Variants in PIP4K2A observed in about 807,000 individuals in gnomAD.
The protein encoded by PIP4K2A is phosphatidylinositol 5-phosphate 4-kinase type-2 alpha.
Under a neutral mutation model 42.9 loss-of-function variants are expected in PIP4K2A, and 14 were observed. The observed-to-expected ratio is 0.33, with a 90% confidence interval of 0.22 to 0.51. PIP4K2A has a LOEUF of 0.51. Ranked by LOEUF, PIP4K2A falls within the 20% of genes least tolerant of loss-of-function variation. The pLI is 0.97. For missense variants in PIP4K2A, 434 were observed against 519.8 expected (o/e 0.83, Z 1.61); for synonymous variants, 192 against 192.2 (o/e 1.00, Z 0.01).
intron 5 of PIP4K2A, among the ~76,000 whole-genome samples, chr10:22,569,991 A>C (rs1836945936): frequency 6.6e-6 from 1 of 152,182 alleles, no homozygotes; most frequent in Non-Finnish European, 1.5e-5. Context: ...AATTAAAACT[A>C]GAATATCCAA....
intron 1 of PIP4K2A, among the ~76,000 whole-genome samples, chr10:22,668,642 T>C (rs558517398): frequency 4.5e-4 from 68 of 152,330 alleles, no homozygotes; most frequent in Admixed American, 7.2e-4. Context: ...GCTGGTTTTC[T>C]GAACTAGTCT....
chr10:22,541,388 T>G (rs114692472), intron 8 of PIP4K2A, among the ~76,000 whole-genome samples: 214 of 152,342 alleles, frequency 1.4e-3, no homozygotes, highest in African/African-American at 4.9e-3. Context: ...TGCTTTTGAC[T>G]TAGATAAAAA....
chr10:22,599,579 T>A (rs1202604347), intron 3 of PIP4K2A, among the ~76,000 whole-genome samples: 1 of 152,216 alleles, frequency 6.6e-6, no homozygotes, highest in Non-Finnish European at 1.5e-5. Flanking sequence ...CCAATAAATG[T>A]TGCTTCTAAG....
At chr10:22,697,950 G>A (rs1275875194) in intron 1 of PIP4K2A, among the ~76,000 whole-genome samples, 4 of 152,186 alleles carry the variant, frequency 2.6e-5, no homozygotes, top group Non-Finnish European at 5.9e-5. Context: ...GCCATTAAAT[G>A]CTATTGGATT....
chr10:22,685,159 TAAG>T (rs2130887618), intron 1 of PIP4K2A, among the ~76,000 whole-genome samples: 1 of 152,250 alleles, frequency 6.6e-6, no homozygotes, highest in Admixed American at 6.5e-5. Flanking sequence ...AGTTATGAGA[TAAG>T]AAGTACAACT....
rs182182493 is a variant in PIP4K2A at position 22,627,479 on chromosome 10, C to A, written c.145-17762G>T. 2.4e-3 allele frequency among the ~76,000 whole-genome samples: 362 copies of A among 151,522 alleles called. 5 individuals are homozygous for A. The highest frequency in any genetic ancestry group is 6.8e-3 in the African/African-American group (281 of 41,308). ...TATTAGTTTCTTTAATATTTTCTCA[C>A]AAATATCTCTTTTACATAAACTCTA... On this transcript the variant is annotated intron_variant, in intron 1 of 9. Transcript: ENST00000376573.
chr10:22,570,950 G>C (rs1019299313), intron 5 of PIP4K2A, among the ~76,000 whole-genome samples: 8 of 152,092 alleles, frequency 5.3e-5, no homozygotes, highest in Non-Finnish European at 2.9e-5. Context: ...CTGTGTACGA[G>C]TTGCTGAACT....
chr10:22,607,878 T>C (rs751220917), intron 3 of PIP4K2A, 49 bp downstream of exon 3: 4 of 1,195,908 alleles, frequency 3.3e-6, no homozygotes, highest in East Asian at 4.7e-5. Context: ...GCAAAAGTCA[T>C]GGCAAAACCC....
chr10:22,552,167 TAG>T (rs1367169236), intron 6 of PIP4K2A, among the ~76,000 whole-genome samples: 2 of 152,120 alleles, frequency 1.3e-5, no homozygotes, highest in African/African-American at 4.8e-5. Flanking sequence ...GTGAGTCAAG[TAG>T]AGAGATGCAA....
chr10:22,640,014 CTTTTTTTTTTTTT>C (rs71395806), intron 1 of PIP4K2A, among the ~76,000 whole-genome samples: 92 of 92,366 alleles, frequency 1.0e-3, no homozygotes, highest in African/African-American at 1.3e-3. Flanking sequence ...GATGTGTTGT[CTTTTTTTTTTTTT>C]TTTTTTTTTT....
intron 4 of PIP4K2A, among the ~76,000 whole-genome samples, chr10:22,585,726 G>A (rs1837378445): frequency 1.3e-5 from 2 of 151,656 alleles, no homozygotes; most frequent in Non-Finnish European, 2.9e-5. Flanking sequence ...TTAGCCTCCT[G>A]AGCAGCTGGG....
intron 4 of PIP4K2A, among the ~76,000 whole-genome samples, chr10:22,584,239 CA>C (rs1376119056): frequency 6.6e-6 from 1 of 151,534 alleles, no homozygotes; most frequent in Non-Finnish European, 1.5e-5. Flanking sequence ...GAGCATAAAT[CA>C]AGAAACTATC....
chr10:22,634,278 T>C (rs1262266515), intron 1 of PIP4K2A, among the ~76,000 whole-genome samples: 1 of 152,216 alleles, frequency 6.6e-6, no homozygotes, highest in Admixed American at 6.5e-5. Flanking sequence ...AAAACTATCA[T>C]GCATCACACC....
intron 1 of PIP4K2A, among the ~76,000 whole-genome samples, chr10:22,669,764 T>C (rs1048655875): frequency 1.3e-5 from 2 of 152,168 alleles, no homozygotes; most frequent in Admixed American, 1.3e-4. Flanking sequence ...GTGCAATCAC[T>C]TTTTTACCAA....
At chr10:22,694,207 G>A (rs1839925825) in intron 1 of PIP4K2A, 1 of 152,132 alleles carries the variant, frequency 6.6e-6, no homozygotes, top group South Asian at 2.1e-4. Flanking sequence ...ACAATCTACT[G>A]AGTGCAAGAA....
intron 4 of PIP4K2A, among the ~76,000 whole-genome samples, chr10:22,589,080 A>T (rs148157863): frequency 1.2e-3 from 188 of 152,346 alleles, no homozygotes; most frequent in Non-Finnish European, 2.3e-3. Context: ...AAAGGATGCT[A>T]AACTCAAAGT....
At chr10:22,544,792 T>A (rs1297961525) in intron 7 of PIP4K2A, among the ~76,000 whole-genome samples, 1 of 152,134 alleles carries the variant, frequency 6.6e-6, no homozygotes, top group Non-Finnish European at 1.5e-5. Context: ...CTTGGCCCCA[T>A]CCACTTCTGG....
intron 4 of PIP4K2A, among the ~76,000 whole-genome samples, chr10:22,576,508 G>A (rs1447421779): frequency 3.3e-5 from 5 of 152,230 alleles, no homozygotes; most frequent in East Asian, 1.9e-4. Context: ...AGCTTTAGCC[G>A]GGGTCTCACG....
At chr10:22,586,752 A>T (rs189849365) in intron 4 of PIP4K2A, among the ~76,000 whole-genome samples, 70 of 152,188 alleles carry the variant, frequency 4.6e-4, no homozygotes, top group East Asian at 3.5e-3. Flanking sequence ...GCTGGTCTTG[A>T]ACCCCTGACC....
Sources: allele counts gnomAD v4.1 joint callset (sites outside exome capture counted in the v4.1 genomes callset), GRCh38; gene constraint gnomAD v4.1.1; transcripts MANE v1.5; gene names NCBI Gene and HGNC (gene_info 2026-07-23, HGNC 2026-07-21).